Variants in CFAP44 observed in about 807,000 individuals in gnomAD.
CFAP44 encodes cilia and flagella associated protein 44.
CFAP44 carries 134 observed loss-of-function variants against 216.2 expected under a neutral mutation model. The ratio of observed to expected loss-of-function variants is 0.62; its 90% confidence interval spans 0.54 to 0.72. CFAP44 has a LOEUF of 0.72. CFAP44 is among the 30% of genes least tolerant of loss of function. CFAP44 has a pLI of 0.00. For missense variants in CFAP44, 2,035 were observed against 2,182.1 expected (o/e 0.93, Z 1.34); for synonymous variants, 700 against 727.6 (o/e 0.96, Z 0.61).
intron 28 of CFAP44, among the ~76,000 whole-genome samples, chr3:113,313,487 G>A (rs1392599917): frequency 2.0e-5 from 3 of 152,110 alleles, no homozygotes; most frequent in South Asian, 4.1e-4. Flanking sequence ...TTGAGGGACT[G>A]TTGGGAAGGC....
chr3:113,334,276 C>T (rs1356772455), intron 24 of CFAP44, among the ~76,000 whole-genome samples: 2 of 152,126 alleles, frequency 1.3e-5, no homozygotes, highest in Non-Finnish European at 1.5e-5. Context: ...TGCATAAGTG[C>T]TTGCTGTAAA....
intron 17 of CFAP44, 78 bp downstream of exon 17, chr3:113,379,228 T>A: frequency 1.9e-6 from 2 of 1,051,534 alleles, no homozygotes; most frequent in Non-Finnish European, 2.6e-6. Flanking sequence ...AACATAAGAG[T>A]AAGAAAGAAT....
At chr3:113,375,284 C>G (rs142658669) in intron 17 of CFAP44, among the ~76,000 whole-genome samples, 1 of 152,066 alleles carries the variant, frequency 6.6e-6, no homozygotes, top group African/African-American at 2.4e-5. Flanking sequence ...ATTGTGAATA[C>G]GTTTACTACT....
intron 22 of CFAP44, among the ~76,000 whole-genome samples, chr3:113,347,424 T>C (rs1950396194): frequency 6.6e-6 from 1 of 152,154 alleles, no homozygotes; most frequent in Admixed American, 6.5e-5. Context: ...CTCCTGGGTC[T>C]TAATGCCTGT....
At chr3:113,419,751 G>C (rs1934757295) in intron 5 of CFAP44, among the ~76,000 whole-genome samples, 1 of 152,072 alleles carries the variant, frequency 6.6e-6, no homozygotes, top group Admixed American at 6.5e-5. Context: ...CACGACTATG[G>C]GGAAGTCACC....
rs866962543 is a variant in CFAP44, at chr3:113,379,358, GA to G, written c.2245del (p.Ser749LeufsTer72). 6.2e-7 allele frequency: 1 copy of G among 1,612,428 alleles called. No individual in the cohort carries two copies. The highest frequency in any genetic ancestry group is 1.3e-5 in the African/African-American group (1 of 74,882). ...LPEIFIPSTP[S>X]PILCGFYSEP... is the part of the protein sequence containing the mutation. ...TGAGTAAAATCCACAGAGGATGGGA[GA>G]GGGGGTTGACGGAATAAATATTTCA... On this transcript the variant is annotated frameshift_variant, in exon 17 of 35. Coordinates refer to ENST00000393845, the MANE Select transcript of CFAP44 (RefSeq NM_001164496.2). LOFTEE classifies it high-confidence loss of function.
intron 24 of CFAP44, 25 bp downstream of exon 24, chr3:113,341,719 A>G (rs1464836983): frequency 5.5e-6 from 8 of 1,452,624 alleles, no homozygotes; most frequent in Non-Finnish European, 6.3e-6. Flanking sequence ...TAAAAAGATA[A>G]GAGTTTAGGT....
rs901996498 is a variant in CFAP44 at position 113,288,614 on chromosome 3, T to C, written c.*2943A>G. 1 of 152,256 alleles carries C rather than the reference T, an allele frequency of 6.6e-6. No homozygotes were observed. The highest frequency in any genetic ancestry group is 2.4e-5 in the African/African-American group (1 of 41,460). 9.4% of individuals were successfully genotyped at this position (152,256 alleles called of 1,614,324 possible). A position where few individuals can be genotyped will look rare whatever the true frequency, so the allele number is the denominator to read the frequency against. ...TAGCCCCACTGGTTTTTACATTTTTTCCTTTTTCTCCTTGATGATCTAAGG... is the reference window on the plus strand; with the variant it reads ...TAGCCCCACTGGTTTTTACATTTTTCCCTTTTTCTCCTTGATGATCTAAGG... On this transcript the variant is annotated 3_prime_UTR_variant, in exon 35 of 35. Coordinates refer to ENST00000393845, the MANE Select transcript of CFAP44 (RefSeq NM_001164496.2).
chr3:113,357,960 G>A (rs566958388), intron 22 of CFAP44, among the ~76,000 whole-genome samples: 2 of 152,122 alleles, frequency 1.3e-5, no homozygotes, highest in South Asian at 4.2e-4. Context: ...ACAGTAGAAG[G>A]GATAAACTGT....
At chr3:113,383,279 T>C (rs1933561776) in intron 15 of CFAP44, among the ~76,000 whole-genome samples, 1 of 152,162 alleles carries the variant, frequency 6.6e-6, no homozygotes. Context: ...AGCTGGGAAG[T>C]CCAAGATCAA....
intron 22 of CFAP44, among the ~76,000 whole-genome samples, chr3:113,357,974 A>C (rs935083670): frequency 5.9e-5 from 9 of 152,336 alleles, no homozygotes; most frequent in African/African-American, 2.2e-4. Flanking sequence ...AAACTGTGGT[A>C]TAATCATTTT....
At chr3:113,299,666 G>T (rs777211761) in intron 32 of CFAP44, among the ~76,000 whole-genome samples, 13 of 152,198 alleles carry the variant, frequency 8.5e-5, no homozygotes, top group Non-Finnish European at 1.8e-4. Context: ...GCGACTTACT[G>T]TCCCTCAACA....
At chr3:113,436,337 C>T (rs529180126) in intron 1 of CFAP44, among the ~76,000 whole-genome samples, 48 of 152,200 alleles carry the variant, frequency 3.2e-4, no homozygotes, top group African/African-American at 1.1e-3. Context: ...GATACACACA[C>T]ACCTAAATAT....
Position 113,364,743 on chromosome 3 carries a change from A to C in CFAP44, c.2716-1211T>G, listed in dbSNP as rs11922952. Among the ~76,000 whole-genome samples the C allele has an allele frequency of 1.9e-3, 291 of 152,230 alleles. 2 individuals are homozygous for C. Among genetic ancestry groups the C allele is most frequent in the African/African-American group, 5.7e-3 (238 of 41,548 alleles). On this transcript the variant is annotated intron_variant, in intron 19 of 34. Transcript: ENST00000393845. The stretch of plus-strand genomic sequence containing the variant: ...GGTCTCAATCCTAGCTACACAGTAG[A>C]ATCACATGAAGGATAGTGTATACAA...
At position 113,378,458 on chromosome 3, in the gene CFAP44, T is replaced by C. The variant is rs979365643; in HGVS notation, c.2298+848A>G. ...ACAAAAGTTACATTTCTAGGAAAAG[T>C]TGAGGAGGGAAAAAGTCAACACTCA... On this transcript the variant is annotated intron_variant, in intron 17 of 34. Coordinates refer to ENST00000393845, the MANE Select transcript of CFAP44 (RefSeq NM_001164496.2). Among the ~76,000 whole-genome samples the C allele has an allele frequency of 3.9e-5, 6 of 152,104 alleles. No individual in the cohort carries two copies. The South Asian group carries it at 1.2e-3, about 32-fold the overall frequency.
At chr3:113,300,988 C>T (rs1045236674) in intron 32 of CFAP44, among the ~76,000 whole-genome samples, 1 of 152,056 alleles carries the variant, frequency 6.6e-6, no homozygotes, top group Admixed American at 6.5e-5. Context: ...CCCAGCTGTT[C>T]TACTTTTAGG....
At chr3:113,360,297 T>A in intron 21 of CFAP44, 1 of 205,332 alleles carries the variant, frequency 4.9e-6, no homozygotes, top group South Asian at 9.7e-5. Flanking sequence ...ACCAGACACC[T>A]TATTATTGTA....
intron 5 of CFAP44, among the ~76,000 whole-genome samples, chr3:113,419,668 T>A (rs535917740): frequency 6.6e-6 from 1 of 152,344 alleles, no homozygotes; most frequent in Admixed American, 6.5e-5. Flanking sequence ...ATGTGCCTGC[T>A]TCAGTCTTCA....
chr3:113,313,079 C>G (rs924717927), intron 28 of CFAP44, among the ~76,000 whole-genome samples: 1 of 152,034 alleles, frequency 6.6e-6, no homozygotes, highest in East Asian at 1.9e-4. Context: ...CAGCTTGCAC[C>G]GTGCACCTGG....
Sources: allele counts gnomAD v4.1 joint callset (sites outside exome capture counted in the v4.1 genomes callset), GRCh38; gene constraint gnomAD v4.1.1; transcripts MANE v1.5; gene names NCBI Gene and HGNC (gene_info 2026-07-23, HGNC 2026-07-21).